LRRC69: variants seen among roughly 807,000 people sequenced by gnomAD.
LRRC69 encodes leucine-rich repeat-containing protein 69.
LRRC69 carries 42 observed loss-of-function variants against 37.8 expected under a neutral mutation model. The ratio of observed to expected loss-of-function variants is 1.11; its 90% CI spans 0.87 to 1.44. The LOEUF is 1.44. Ranked by LOEUF, LRRC69 falls within the 40% of genes most tolerant of loss-of-function variation. LRRC69 has a pLI of 0.00. For synonymous variants in LRRC69, 141 were observed against 143.1 expected, an observed-to-expected ratio of 0.99 and a Z score of 0.11; for missense variants, 357 against 401.9, an observed-to-expected ratio of 0.89 and a Z score of 0.96.
At chr8:91,175,079 C>T (rs1809201245) in intron 5 of LRRC69, among the ~76,000 whole-genome samples, 1 of 152,164 alleles carries the variant, frequency 6.6e-6, no homozygotes, top group South Asian at 2.1e-4. Context: ...CAGGAGAATT[C>T]TATGACATGT....
intron 7 of LRRC69, among the ~76,000 whole-genome samples, chr8:91,205,717 T>C (rs1255129637): frequency 6.6e-6 from 1 of 152,122 alleles, no homozygotes; most frequent in Non-Finnish European, 1.5e-5. Flanking sequence ...GATCCAGTCA[T>C]GTACAAATTA....
intron 5 of LRRC69, among the ~76,000 whole-genome samples, chr8:91,178,882 T>G (rs2130595407): frequency 6.6e-6 from 1 of 152,318 alleles, no homozygotes; most frequent in South Asian, 2.1e-4. Flanking sequence ...TCCTGGATGT[T>G]TATGTGTACA....
chr8:91,176,789 C>T (rs1334563342), intron 5 of LRRC69, among the ~76,000 whole-genome samples: 1 of 152,020 alleles, frequency 6.6e-6, no homozygotes, highest in Admixed American at 6.6e-5. Context: ...TGGATAATGC[C>T]CAGTCACAAT....
At chr8:91,120,498 A>G (rs2130496287) in intron 1 of LRRC69, among the ~76,000 whole-genome samples, 1 of 152,182 alleles carries the variant, frequency 6.6e-6, no homozygotes, top group Non-Finnish European at 1.5e-5. Flanking sequence ...ATCCCTTCAG[A>G]GCTTTGGGGC....
chr8:91,127,066 G>A, intron 2 of LRRC69, 22 bp from the exon 3 acceptor site: 1 of 1,523,294 alleles, frequency 6.6e-7, no homozygotes. Context: ...TGGCTAAAGT[G>A]ACTAAAATTA....
At position 91,171,959 on chromosome 8, in the gene LRRC69, T is replaced by TA. The variant is rs397739183; in HGVS notation, c.652-17557dup. ...CACATGCACATGGAGGTTTTTTTTT[T>TA]AAAAAATGGAATATTCAGACATGTT... On this transcript the variant is annotated intron_variant, in intron 5 of 7. Transcript: ENST00000448384. Among the ~76,000 whole-genome samples, 890 of 150,824 alleles carry TA rather than the reference T, an allele frequency of 5.9e-3. 8 individuals carry two copies. Among genetic ancestry groups the TA allele is most frequent in the African/African-American group, 0.012 (492 of 41,202 alleles).
At chr8:91,140,989 CCTTTT>C (rs1808522414) in intron 5 of LRRC69, among the ~76,000 whole-genome samples, 1 of 151,956 alleles carries the variant, frequency 6.6e-6, no homozygotes, top group Non-Finnish European at 1.5e-5. Context: ...TGTTCTTCTA[CCTTTT>C]CTTTATCGTG....
chr8:91,158,478 C>G, intron 5 of LRRC69: 1 of 1,159,320 alleles, frequency 8.6e-7, no homozygotes, highest in Non-Finnish European at 1.3e-6. Flanking sequence ...TTTGGAAACC[C>G]ACAAGGCCTC....
At chr8:91,185,434 C>T (rs1318274204) in intron 5 of LRRC69, among the ~76,000 whole-genome samples, 1 of 152,022 alleles carries the variant, frequency 6.6e-6, no homozygotes, top group East Asian at 1.9e-4. Context: ...GGCTCTTAGC[C>T]TCTTTTCTTC....
At chr8:91,171,183 A>C (rs1335347871) in intron 5 of LRRC69, among the ~76,000 whole-genome samples, 1 of 152,036 alleles carries the variant, frequency 6.6e-6, no homozygotes, top group African/African-American at 2.4e-5. Context: ...TATGTTCCTA[A>C]GGCTGAATCG....
chr8:91,178,038 CG>C (rs1247673839), intron 5 of LRRC69, among the ~76,000 whole-genome samples: 2 of 151,854 alleles, frequency 1.3e-5, no homozygotes, highest in Non-Finnish European at 2.9e-5. Context: ...TTAGTAGAGA[CG>C]GGGTTTCACC....
intron 1 of LRRC69, among the ~76,000 whole-genome samples, chr8:91,116,642 A>G (rs986007502): frequency 1.3e-5 from 2 of 151,880 alleles, no homozygotes; most frequent in African/African-American, 2.4e-5. Flanking sequence ...AGTGGAGGGT[A>G]GGAGTTAGGA....
intron 6 of LRRC69, among the ~76,000 whole-genome samples, chr8:91,199,742 A>G (rs1395972824): frequency 6.6e-6 from 1 of 152,152 alleles, no homozygotes; most frequent in Non-Finnish European, 1.5e-5. Context: ...CTTCCATGCT[A>G]CTGACAAAAA....
intron 6 of LRRC69, among the ~76,000 whole-genome samples, chr8:91,199,402 T>G (rs1809676258): frequency 6.6e-6 from 1 of 152,166 alleles, no homozygotes; most frequent in African/African-American, 2.4e-5. Context: ...CTGTTTACTG[T>G]ATAAAGGCAG....
At chr8:91,144,437 G>C (rs1032793534) in intron 5 of LRRC69, among the ~76,000 whole-genome samples, 1 of 151,926 alleles carries the variant, frequency 6.6e-6, no homozygotes, top group Non-Finnish European at 1.5e-5. Flanking sequence ...CCTGAAGGGG[G>C]TCTCCTTTCC....
At chr8:91,120,339 A>G (rs935077811) in intron 1 of LRRC69, among the ~76,000 whole-genome samples, 5 of 152,096 alleles carry the variant, frequency 3.3e-5, no homozygotes, top group African/African-American at 9.6e-5. Context: ...CTGTTACACT[A>G]TATATCTGGG....
At chr8:91,120,750 C>G (rs1813604021) in intron 1 of LRRC69, among the ~76,000 whole-genome samples, 1 of 152,056 alleles carries the variant, frequency 6.6e-6, no homozygotes, top group African/African-American at 2.4e-5. Context: ...TTTAAGTGGC[C>G]TATCTTTGCC....
chr8:91,115,449 G>C (rs1401002416), intron 1 of LRRC69, among the ~76,000 whole-genome samples: 1 of 152,102 alleles, frequency 6.6e-6, no homozygotes, highest in Middle Eastern at 3.4e-3. Context: ...GTGGATTTTT[G>C]TCACAGCAGG....
At chr8:91,157,883 G>A in intron 5 of LRRC69, 11 of 1,595,130 alleles carry the variant, frequency 6.9e-6, no homozygotes, top group Non-Finnish European at 9.4e-6. Context: ...TTTAGATAAG[G>A]GAGAGTTTTA....
Sources: gnomAD v4.1 joint callset for allele counts (sites outside exome capture counted in the v4.1 genomes callset) on GRCh38, gnomAD v4.1.1 for gene constraint, MANE v1.5 for transcripts, NCBI Gene and HGNC (gene_info 2026-07-23, HGNC 2026-07-21) for gene names.